The following ZC3H13 variants were observed in gnomAD, a reference collection of about 807,000 sequenced individuals.
The protein encoded by ZC3H13 is zinc finger CCCH domain-containing protein 13.
In ZC3H13, 64 loss-of-function variants were observed where a neutral mutation model predicts 204.1. The observed-to-expected ratio is 0.31, with a 90% CI of 0.26 to 0.39. ZC3H13 has a LOEUF of 0.39. Ranked by LOEUF, ZC3H13 falls within the 10% of genes least tolerant of loss-of-function variation. The pLI, the probability that ZC3H13 is intolerant of heterozygous loss-of-function variation, is 1.00. For synonymous variants in ZC3H13, 667 were observed against 693.7 expected, an observed-to-expected ratio of 0.96 and a Z score of 0.60; for missense variants, 1,833 against 2,082.7, an observed-to-expected ratio of 0.88 and a Z score of 2.33.
chr13:45,962,119 T>G, intron 17 of ZC3H13: 3 of 958,844 alleles, frequency 3.1e-6, no homozygotes, highest in Non-Finnish European at 3.7e-6. Flanking sequence ...CTACTATGTA[T>G]GTCAGGCACT....
At chr13:45,976,237 G>A (rs1953037423) in intron 11 of ZC3H13, 1 of 985,058 alleles carries the variant, frequency 1.0e-6, no homozygotes, top group Admixed American at 6.2e-5. Flanking sequence ...GCAAAGGATA[G>A]GGGCAGCAGG....
At chr13:45,995,522 T>C (rs146967738) in intron 8 of ZC3H13, among the ~76,000 whole-genome samples, 2 of 152,324 alleles carry the variant, frequency 1.3e-5, no homozygotes, top group East Asian at 3.9e-4. Context: ...ATAATCATGT[T>C]TGGCTATATT....
At chr13:45,990,780 T>C (rs1350219471) in intron 8 of ZC3H13, among the ~76,000 whole-genome samples, 1 of 151,866 alleles carries the variant, frequency 6.6e-6, no homozygotes, top group Non-Finnish European at 1.5e-5. Context: ...GTTTTCAATT[T>C]CAATGTCATT....
intron 3 of ZC3H13, 74 bp downstream of exon 3, chr13:46,044,881 C>T (rs2043835983): frequency 1.8e-6 from 2 of 1,083,244 alleles, no homozygotes; most frequent in East Asian, 2.8e-5. Context: ...GGTTGTATTT[C>T]AGATTTTTAT....
At chr13:46,038,846 C>T (rs952753279) in intron 4 of ZC3H13, among the ~76,000 whole-genome samples, 1 of 152,126 alleles carries the variant, frequency 6.6e-6, no homozygotes, top group African/African-American at 2.4e-5. Flanking sequence ...CATAGTGAAA[C>T]CCCATTTCTA....
chr13:46,030,688 A>G (rs1178769208), intron 4 of ZC3H13, among the ~76,000 whole-genome samples: 1 of 152,220 alleles, frequency 6.6e-6, no homozygotes, highest in Non-Finnish European at 1.5e-5. Flanking sequence ...TTTAAAATTA[A>G]AACAATACCA....
chr13:46,052,454 C>T lies in ZC3H13; in HGVS notation c.-60G>A. The T allele has an allele frequency of 7.5e-6, 3 of 398,298 alleles. No homozygotes were observed. The highest frequency in any genetic ancestry group is 1.3e-5 in the Non-Finnish European group (3 of 226,040). The allele number at this position is 398,298 out of a possible 1,614,324, so 24.7% of individuals were successfully genotyped here. A position where few individuals can be genotyped will look rare whatever the true frequency, so the allele number is the denominator to read the frequency against. On this transcript the variant is annotated 5_prime_UTR_variant, in exon 1 of 19. Transcript: ENST00000679008. ...TGCAGTCCGGAGGCACCACCGCCGC[C>T]GCCGCTCCGAGGAGCGGGGGAGGCG...
chr13:46,014,638 C>T (rs935816776), intron 5 of ZC3H13, among the ~76,000 whole-genome samples: 1 of 152,074 alleles, frequency 6.6e-6, no homozygotes, highest in African/African-American at 2.4e-5. Context: ...TTTTTGAATT[C>T]CATTCTATAT....
At chr13:45,975,941 G>A in intron 11 of ZC3H13, 103 bp from the exon 12 acceptor site, 1 of 1,441,902 alleles carries the variant, frequency 6.9e-7, no homozygotes, top group Admixed American at 2.6e-5. Flanking sequence ...GGTCACACTG[G>A]CAACAAATTA....
chr13:46,011,697 G>T (rs552934385), intron 5 of ZC3H13, 143 bp from the exon 6 acceptor site: 2 of 499,244 alleles, frequency 4.0e-6, no homozygotes, highest in South Asian at 6.1e-5. Context: ...AAAGATAAAA[G>T]AAATAGATAC....
intron 5 of ZC3H13, among the ~76,000 whole-genome samples, chr13:46,019,734 C>A (rs1049664946): frequency 6.6e-6 from 1 of 152,120 alleles, no homozygotes; most frequent in Non-Finnish European, 1.5e-5. Flanking sequence ...CAGGCATGCA[C>A]CACCATGTCA....
chr13:45,963,698 G>C (rs370085373), intron 17 of ZC3H13, 144 bp downstream of exon 17: 3 of 1,488,082 alleles, frequency 2.0e-6, no homozygotes, highest in East Asian at 4.6e-5. Context: ...TGACCATGAG[G>C]GTTAAATAAT....
intron 8 of ZC3H13, 30 bp downstream of exon 8, chr13:46,003,109 A>G: frequency 1.9e-6 from 3 of 1,592,708 alleles, no homozygotes; most frequent in Non-Finnish European, 1.7e-6. Context: ...ACAAAAGTTA[A>G]TATTGTTAAA....
Position 45,969,701 on chromosome 13 carries a change from G to A in ZC3H13, c.2843C>T (p.Thr948Ile). The A allele has an allele frequency of 6.2e-7, 1 of 1,613,520 alleles. No homozygotes were observed. The highest frequency in any genetic ancestry group is 1.7e-4 in the Middle Eastern group (1 of 6,060). ...IGHHQSEDRE[T>I]SDRAHDENKK... is the part of the protein sequence containing the mutation. ...GTTTTCATCATGAGCTCGATCAGAT[G>A]TCTCTCGATCTTCAGACTGGTGGTG... is the stretch of plus-strand genomic sequence containing the variant. The change falls in exon 14 of 19, where the codon ACA becomes ATA. Residue 948 changes from threonine to isoleucine, a missense_variant. Physicochemically the swap from Thr to Ile is moderately conservative, Grantham distance 89. Coordinates refer to ENST00000679008, the MANE Select transcript of ZC3H13 (RefSeq NM_001330564.2).
chr13:45,995,877 C>T (rs997282521), intron 8 of ZC3H13, among the ~76,000 whole-genome samples: 2 of 152,160 alleles, frequency 1.3e-5, no homozygotes, highest in African/African-American at 4.8e-5. Flanking sequence ...CAACTACTAT[C>T]AAGTAATAAG....
chr13:45,965,789 A>C (rs1952029449), intron 15 of ZC3H13, among the ~76,000 whole-genome samples: 1 of 152,152 alleles, frequency 6.6e-6, no homozygotes, highest in Non-Finnish European at 1.5e-5. Context: ...TCTAACTTCA[A>C]AAGATTTTGA....
chr13:45,959,863 T>C (rs917768312), intron 17 of ZC3H13, among the ~76,000 whole-genome samples: 40 of 152,218 alleles, frequency 2.6e-4, no homozygotes, highest in African/African-American at 8.9e-4. Flanking sequence ...ATAGCCACTT[T>C]AAATTTACTT....
At chr13:46,010,295 A>G in intron 7 of ZC3H13, 53 bp downstream of exon 7, 1 of 1,470,002 alleles carries the variant, frequency 6.8e-7, no homozygotes, top group Non-Finnish European at 9.1e-7. Flanking sequence ...AATTCTTTTT[A>G]GTATCACTTC....
At chr13:45,965,245 A>C (rs1257184995) in intron 16 of ZC3H13, 35 bp downstream of exon 16, 1 of 1,606,626 alleles carries the variant, frequency 6.2e-7, no homozygotes, top group Non-Finnish European at 8.5e-7. Flanking sequence ...TATAACAGAT[A>C]ATTTTCATGT....
Sources: gnomAD v4.1 joint callset for allele counts (sites outside exome capture counted in the v4.1 genomes callset) on GRCh38, gnomAD v4.1.1 for gene constraint, MANE v1.5 for transcripts, NCBI Gene and HGNC (gene_info 2026-07-23, HGNC 2026-07-21) for gene names.